NALCN: variants seen among roughly 807,000 people sequenced by gnomAD.
NALCN encodes the protein sodium leak channel, non-selective, also known as sodium leak channel NALCN.
A neutral mutation model predicts 225.3 loss-of-function variants in NALCN; 111 were observed. The observed-to-expected ratio is 0.49, with a 90% CI of 0.42 to 0.58. NALCN has a LOEUF of 0.58. Ranked by LOEUF, NALCN falls within the 20% of genes least tolerant of loss-of-function variation. The pLI is 0.00. For synonymous variants in NALCN, 764 were observed against 769.0 expected, an observed-to-expected ratio of 0.99 and a Z score of 0.11; for missense variants, 1,378 against 2,202.4, an observed-to-expected ratio of 0.63 and a Z score of 7.49.
chr13:101,294,268 A>T (rs905053401), intron 7 of NALCN, among the ~76,000 whole-genome samples: 1 of 152,232 alleles, frequency 6.6e-6, no homozygotes, highest in Non-Finnish European at 1.5e-5. Flanking sequence ...ATGGCAGACG[A>T]GGGTGATTAT....
At chr13:101,072,697 C>T (rs1330679389) in intron 37 of NALCN, among the ~76,000 whole-genome samples, 4 of 152,068 alleles carry the variant, frequency 2.6e-5, no homozygotes, top group Non-Finnish European at 5.9e-5. Flanking sequence ...CATAGGCGGC[C>T]CTATCTCTTC....
intron 7 of NALCN, among the ~76,000 whole-genome samples, chr13:101,339,100 A>C (rs1197290703): frequency 6.6e-6 from 1 of 152,250 alleles, no homozygotes; most frequent in Admixed American, 6.5e-5. Flanking sequence ...AAGTGGGAAC[A>C]GCGGAAGTAG....
chr13:101,055,615 T>A, intron 43 of NALCN, 127 bp from the exon 44 acceptor site: 3 of 674,730 alleles, frequency 4.4e-6, no homozygotes, highest in Non-Finnish European at 7.3e-6. Context: ...AGATGCTAAG[T>A]AAACATCCTT....
intron 7 of NALCN, among the ~76,000 whole-genome samples, chr13:101,333,270 G>A (rs2045250719): frequency 6.6e-6 from 1 of 151,988 alleles, no homozygotes; most frequent in South Asian, 2.1e-4. Context: ...TTGTTTTAAT[G>A]GTGGCAGCTT....
intron 10 of NALCN, among the ~76,000 whole-genome samples, chr13:101,275,496 C>T (rs533307703): frequency 4.0e-4 from 61 of 152,284 alleles, no homozygotes; most frequent in Non-Finnish European, 7.5e-4. Context: ...GCATTCTCAT[C>T]CCCATTTTCC....
rs117721457 is a variant in NALCN, at chr13:101,303,882, C to T, written c.800-11516G>A. On this transcript the variant is annotated intron_variant, in intron 7 of 43. Coordinates refer to ENST00000251127, the MANE Select transcript of NALCN (RefSeq NM_052867.4). Reference sequence around the variant, plus strand: ...TGGCTGATGGAGTAATACTGACTGGCTATTCCTGACTGGGAGGAATACAGA... The same window carrying T: ...TGGCTGATGGAGTAATACTGACTGGTTATTCCTGACTGGGAGGAATACAGA... 1.7e-3 allele frequency among the ~76,000 whole-genome samples: 253 copies of T among 152,278 alleles called. 6 individuals carry two copies. The East Asian group carries it at 0.041, about 24-fold the overall frequency.
At chr13:101,116,373 A>C in intron 18 of NALCN, 2 of 287,896 alleles carry the variant, frequency 6.9e-6, no homozygotes, top group South Asian at 3.9e-5. Flanking sequence ...TCATGTCTTG[A>C]AATTGTCTCT....
intron 7 of NALCN, among the ~76,000 whole-genome samples, chr13:101,297,514 G>A (rs2139075389): frequency 6.6e-6 from 1 of 152,304 alleles, no homozygotes; most frequent in African/African-American, 2.4e-5. Context: ...CCAGGGATAT[G>A]GAACACCCCA....
chr13:101,321,567 C>A (rs1428884846), intron 7 of NALCN, among the ~76,000 whole-genome samples: 2 of 151,984 alleles, frequency 1.3e-5, no homozygotes, highest in Non-Finnish European at 1.5e-5. Context: ...TTTTCAAATA[C>A]AGAACTATTC....
chr13:101,232,547 A>G (rs1383209053), intron 12 of NALCN, among the ~76,000 whole-genome samples: 4 of 150,556 alleles, frequency 2.7e-5, no homozygotes, highest in Non-Finnish European at 5.9e-5. Context: ...CCGGGTTCAC[A>G]CCATTCTCCT....
At chr13:101,337,184 A>C (rs2045403015) in intron 7 of NALCN, among the ~76,000 whole-genome samples, 1 of 152,208 alleles carries the variant, frequency 6.6e-6, no homozygotes, top group Admixed American at 6.5e-5. Context: ...CACAGAATAC[A>C]GAATACAAGG....
intron 11 of NALCN, among the ~76,000 whole-genome samples, chr13:101,248,980 A>T (rs189884250): frequency 6.6e-6 from 1 of 152,082 alleles, no homozygotes; most frequent in East Asian, 1.9e-4. Context: ...AGGCCCTGGA[A>T]CCCCCTGAGC....
intron 7 of NALCN, among the ~76,000 whole-genome samples, chr13:101,326,695 T>C (rs2044963801): frequency 6.6e-6 from 1 of 152,240 alleles, no homozygotes. Flanking sequence ...TGTTGCCATA[T>C]AACAAATCAC....
chr13:101,353,824 A>G (rs558572482), intron 6 of NALCN, among the ~76,000 whole-genome samples: 1 of 152,240 alleles, frequency 6.6e-6, no homozygotes, highest in Non-Finnish European at 1.5e-5. Flanking sequence ...TATTGTGACT[A>G]TGAAATTTAA....
At chr13:101,335,075 A>G (rs2045333995) in intron 7 of NALCN, among the ~76,000 whole-genome samples, 1 of 152,218 alleles carries the variant, frequency 6.6e-6, no homozygotes, top group African/African-American at 2.4e-5. Context: ...TCTTCTACAT[A>G]TAACATGAAA....
chr13:101,179,792 AT>A (rs951336060), intron 14 of NALCN, among the ~76,000 whole-genome samples: 28 of 152,284 alleles, frequency 1.8e-4, no homozygotes, highest in Middle Eastern at 3.4e-3. Flanking sequence ...AACAACAGAC[AT>A]TTATTTGATC....
chr13:101,066,555 A>C (rs2032407648), intron 39 of NALCN, among the ~76,000 whole-genome samples: 3 of 150,330 alleles, frequency 2.0e-5, no homozygotes, highest in Non-Finnish European at 4.4e-5. Context: ...AGTTACTGAC[A>C]TCTCGGTGTG....
At chr13:101,067,605 G>C (rs1301018049) in intron 39 of NALCN, among the ~76,000 whole-genome samples, 1 of 152,138 alleles carries the variant, frequency 6.6e-6, no homozygotes, top group Non-Finnish European at 1.5e-5. Flanking sequence ...TGTCCCTTTG[G>C]TAGTTTCAGT....
chr13:101,106,613 T>C (rs116214133), intron 22 of NALCN, among the ~76,000 whole-genome samples: 213 of 152,298 alleles, frequency 1.4e-3, no homozygotes, highest in Non-Finnish European at 2.1e-3. Flanking sequence ...TCAGAGATAA[T>C]TGAATCATGG....
Sources: allele counts gnomAD v4.1 joint callset (sites outside exome capture counted in the v4.1 genomes callset), GRCh38; gene constraint gnomAD v4.1.1; transcripts MANE v1.5; gene names NCBI Gene and HGNC (gene_info 2026-07-23, HGNC 2026-07-21).